MRPL30: variants seen among roughly 807,000 people sequenced by gnomAD.
MRPL30 encodes the protein large ribosomal subunit protein uL30m.
Under a neutral mutation model 17.2 loss-of-function variants are expected in MRPL30, and 10 were observed. That is an observed-to-expected ratio of 0.58 (90% CI 0.36 to 0.99). MRPL30 has a LOEUF of 0.99. MRPL30 is among the 50% of genes least tolerant of loss of function. MRPL30 has a pLI of 0.01. For synonymous variants in MRPL30, 61 were observed against 62.1 expected (o/e 0.98, Z 0.08); for missense variants, 170 against 189.8 (o/e 0.90, Z 0.61).
At position 99,186,236 on chromosome 2, in the gene MRPL30, G is replaced by T; in HGVS notation, c.33G>T (p.Trp11Cys). The change falls in exon 2 of 6, where the codon TGG (tryptophan) becomes TGT (cysteine). Residue 11 changes from tryptophan to cysteine, a missense_variant. By Grantham distance (215) the Trp-to-Cys change is radical. Transcript: ENST00000338148. The stretch of plus-strand genomic sequence containing the variant: ...GGATTTTGCGCTTAGTAGTTCAATG[G>T]CCCCCAGGCAGACTACAGGTAAGTG... MAGILRLVVQ[W>C]PPGRLQTVTK... The T allele has an allele frequency of 6.2e-7, 1 of 1,613,898 alleles. No homozygotes were observed. The highest frequency in any genetic ancestry group is 8.5e-7 in the Non-Finnish European group (1 of 1,179,904).
chr2:99,192,581 C>G (rs2093948524), intron 3 of MRPL30, among the ~76,000 whole-genome samples: 1 of 152,176 alleles, frequency 6.6e-6, no homozygotes, highest in Non-Finnish European at 1.5e-5. Context: ...CTTTTTATGG[C>G]TGCATAGTAT....
chr2:99,194,613 A>C, intron 3 of MRPL30, 138 bp from the exon 4 acceptor site: 1 of 718,978 alleles, frequency 1.4e-6, no homozygotes, highest in South Asian at 2.1e-5. Flanking sequence ...GTTCAATCTG[A>C]GGTTGAGGAT....
intron 2 of MRPL30, among the ~76,000 whole-genome samples, chr2:99,187,594 G>A (rs777955681): frequency 6.6e-6 from 1 of 152,192 alleles, no homozygotes; most frequent in South Asian, 2.1e-4. Flanking sequence ...GGGAGGCCAA[G>A]GTGGACGGAT....
chr2:99,189,642 T>G (rs1279815901), intron 3 of MRPL30, among the ~76,000 whole-genome samples: 1 of 152,236 alleles, frequency 6.6e-6, no homozygotes, highest in Non-Finnish European at 1.5e-5. Flanking sequence ...TTCCAACTCA[T>G]GAGTTAAATA....
chr2:99,183,475 A>G (rs1326348134), intron 1 of MRPL30, among the ~76,000 whole-genome samples: 3 of 151,864 alleles, frequency 2.0e-5, no homozygotes, highest in Non-Finnish European at 4.4e-5. Context: ...AGGCTGAGGC[A>G]GGATAATCGG....
intron 3 of MRPL30, among the ~76,000 whole-genome samples, chr2:99,192,616 T>G (rs1169083117): frequency 2.0e-5 from 3 of 152,236 alleles, no homozygotes. Context: ...GTACCACATT[T>G]TCTTTATCCA....
chr2:99,182,856 A>T (rs2093927540), intron 1 of MRPL30, among the ~76,000 whole-genome samples: 1 of 152,234 alleles, frequency 6.6e-6, no homozygotes, highest in Non-Finnish European at 1.5e-5. Flanking sequence ...ACAAAATCTA[A>T]AAACCCTTTT....
intron 3 of MRPL30, among the ~76,000 whole-genome samples, chr2:99,193,643 C>T (rs895767341): frequency 5.3e-5 from 8 of 152,006 alleles, no homozygotes; most frequent in Non-Finnish European, 7.4e-5. Context: ...TGGTTTTTGG[C>T]TCAAGAATAT....
At chr2:99,185,702 G>T in intron 1 of MRPL30, 1 of 403,156 alleles carries the variant, frequency 2.5e-6, no homozygotes, top group Non-Finnish European at 5.1e-6. Context: ...GGAGAATGGG[G>T]TTCCAGACCA....
Position 99,195,167 on chromosome 2 carries a change from A to T in MRPL30, c.331A>T (p.Lys111Ter), listed in dbSNP as rs2093953079. Reference sequence around the variant, plus strand: ...TATCCCTTCAGTGAATGCAAAATTGAAAGTAGTTAAGCATTTGATAAGGTT... The same window carrying T: ...TATCCCTTCAGTGAATGCAAAATTGTAAGTAGTTAAGCATTTGATAAGGTT... ...KNIPSVNAKLKVVKHLIRIKP... is the reference protein window; with the variant it reads ...KNIPSVNAKL The change falls in exon 5 of 6, where the codon AAA becomes TAA. Residue 111 changes from lysine (K) to a stop codon, truncating the protein, a stop_gained. Transcript: ENST00000338148. LOFTEE classifies it high-confidence loss of function. 1 of 1,608,518 alleles carries T rather than the reference A, an allele frequency of 6.2e-7. No individual in the cohort carries two copies. Among genetic ancestry groups the T allele is most frequent in the Non-Finnish European group, 8.5e-7 (1 of 1,177,794 alleles).
chr2:99,181,216 G>C lies in MRPL30; in HGVS notation c.-61G>C, dbSNP rs2093919497. 8 of 512,554 alleles carry C rather than the reference G, an allele frequency of 1.6e-5. No individual in the cohort carries two copies. The highest frequency in any genetic ancestry group is 2.7e-5 in the Non-Finnish European group (8 of 300,838). The allele number at this position is 512,554 out of a possible 1,614,324, so 31.8% of individuals were successfully genotyped here. ...TTCCTCTGCTCTGCTTCCCTTCGGA[G>C]GAAAATTTCAGGCTGAAGGTTTAGC... On this transcript the variant is annotated 5_prime_UTR_variant, in exon 1 of 6. Coordinates refer to ENST00000338148, the MANE Select transcript of MRPL30 (RefSeq NM_145212.4).
chr2:99,188,873 G>T (rs950990472), intron 3 of MRPL30, among the ~76,000 whole-genome samples: 2 of 151,954 alleles, frequency 1.3e-5, no homozygotes, highest in Non-Finnish European at 2.9e-5. Context: ...GCTAATTTTT[G>T]TATTTTTAGT....
At chr2:99,182,602 G>T (rs2093926614) in intron 1 of MRPL30, among the ~76,000 whole-genome samples, 1 of 152,230 alleles carries the variant, frequency 6.6e-6, no homozygotes, top group African/African-American at 2.4e-5. Context: ...GTCAAACGTG[G>T]TGACACACAC....
At chr2:99,192,323 A>G (rs1466313816) in intron 3 of MRPL30, among the ~76,000 whole-genome samples, 3 of 152,080 alleles carry the variant, frequency 2.0e-5, no homozygotes, top group African/African-American at 7.2e-5. Flanking sequence ...GATTTGTCAC[A>G]TAGGTATATA....
At position 99,188,214 on chromosome 2, in the gene MRPL30, A is replaced by G; in HGVS notation, c.89A>G (p.Asp30Gly). 7 of 1,607,860 alleles carry G rather than the reference A, an allele frequency of 4.4e-6. No individual in the cohort carries two copies. The highest frequency in any genetic ancestry group is 5.9e-6 in the Non-Finnish European group (7 of 1,178,096). Residue 30 changes from aspartate to glycine, a missense_variant, in exon 3 of 6, where the codon GAT becomes GGT. Coordinates refer to ENST00000338148, the MANE Select transcript of MRPL30 (RefSeq NM_145212.4). ...GGTGTGGAGTCTCTTATTTGTACAG[A>G]TTGGATTCGTCACAAATTCACCAGA... The part of the protein sequence containing the change: ...TKGVESLICT[D>G]WIRHKFTRSR...
At position 99,194,793 on chromosome 2, in the gene MRPL30, G is replaced by T; in HGVS notation, c.175G>T (p.Asp59Tyr). 6.3e-7 allele frequency: 1 copy of T among 1,596,508 alleles called. No homozygotes were observed. The highest frequency in any genetic ancestry group is 8.5e-7 in the Non-Finnish European group (1 of 1,175,128). The change falls in exon 4 of 6, where the codon GAT (aspartate) becomes TAT (tyrosine). Residue 59 changes from aspartate (D) to tyrosine (Y), a missense_variant. By Grantham distance (160) the Asp-to-Tyr change is radical. Coordinates refer to ENST00000338148, the MANE Select transcript of MRPL30 (RefSeq NM_145212.4). ...TGAAGATCATGAAAAATACGGTGGG[G>T]ATCCACAGAACCCTCATAAACTGCA... ...SPEDHEKYGG[D>Y]PQNPHKLHIV...
intron 1 of MRPL30, chr2:99,185,929 T>C (rs1360621093): frequency 2.1e-6 from 1 of 485,422 alleles, no homozygotes; most frequent in Non-Finnish European, 3.8e-6. Flanking sequence ...TGATAGTAAT[T>C]TTGTGGAATC....
intron 1 of MRPL30, chr2:99,185,810 T>C (rs2093932991): frequency 2.2e-6 from 1 of 449,232 alleles, no homozygotes; most frequent in Non-Finnish European, 4.5e-6. Flanking sequence ...CAGTCAGTTC[T>C]AATTATAGGA....
At chr2:99,185,443 C>T (rs1044308054) in intron 1 of MRPL30, among the ~76,000 whole-genome samples, 11 of 152,030 alleles carry the variant, frequency 7.2e-5, no homozygotes, top group Admixed American at 5.9e-4. Context: ...AAAATTGTAA[C>T]GCACGAATTA....
Sources: gnomAD v4.1 joint callset for allele counts (sites outside exome capture counted in the v4.1 genomes callset) on GRCh38, gnomAD v4.1.1 for gene constraint, MANE v1.5 for transcripts, NCBI Gene and HGNC (gene_info 2026-07-23, HGNC 2026-07-21) for gene names.